Variants in MYLK4 observed in about 807,000 individuals in gnomAD.
MYLK4 encodes myosin light chain kinase family member 4.
Under a neutral mutation model 48.1 loss-of-function variants are expected in MYLK4, and 46 were observed. That is an observed-to-expected ratio of 0.96 (90% confidence interval 0.75 to 1.22). The LOEUF is 1.22. MYLK4 is among the 50% of genes most tolerant of loss of function. The pLI is 0.00. For synonymous variants in MYLK4, 170 were observed against 180.8 expected, an observed-to-expected ratio of 0.94 and a Z score of 0.48; for missense variants, 451 against 486.1, an observed-to-expected ratio of 0.93 and a Z score of 0.68.
At chr6:2,707,810 C>A in intron 2 of MYLK4, among the ~76,000 whole-genome samples, 1 of 150,738 alleles carries the variant, frequency 6.6e-6, no homozygotes, top group East Asian at 1.9e-4. Context: ...ACTTCAGATG[C>A]AAAAAAAATC....
At chr6:2,729,360 T>C (rs1763395245) in intron 2 of MYLK4, among the ~76,000 whole-genome samples, 1 of 152,202 alleles carries the variant, frequency 6.6e-6, no homozygotes, top group African/African-American at 2.4e-5. Flanking sequence ...AAACAGGAAG[T>C]GGCAGGAGAC....
chr6:2,687,323 T>G (rs556209400), intron 4 of MYLK4, among the ~76,000 whole-genome samples: 1 of 152,310 alleles, frequency 6.6e-6, no homozygotes, highest in South Asian at 2.1e-4. Context: ...TCTCACTTAT[T>G]TGCTGAGTGA....
At chr6:2,762,317 T>C in the MYLK4 span, among the ~76,000 whole-genome samples, 6 of 152,202 alleles carry the variant, frequency 3.9e-5, no homozygotes, top group Non-Finnish European at 5.9e-5. Flanking sequence ...AACTCTACTG[T>C]CTAATCTTGA....
chr6:2,681,313 CAATAT>C (rs1454738677), intron 7 of MYLK4, among the ~76,000 whole-genome samples: 1 of 152,144 alleles, frequency 6.6e-6, no homozygotes, highest in Non-Finnish European at 1.5e-5. Context: ...GTCTCCTTAT[CAATAT>C]TCAATAGTAC....
At chr6:2,761,062 T>C in the MYLK4 span, among the ~76,000 whole-genome samples, 1 of 152,138 alleles carries the variant, frequency 6.6e-6, no homozygotes, top group Non-Finnish European at 1.5e-5. Context: ...GTGCGCAAGA[T>C]CATGCCCAAA....
the MYLK4 span, among the ~76,000 whole-genome samples, chr6:2,762,423 T>C: frequency 6.6e-6 from 1 of 152,196 alleles, no homozygotes; most frequent in South Asian, 2.1e-4. Context: ...AAAAAGAAAT[T>C]TTAGGCCTTA....
intron 2 of MYLK4, among the ~76,000 whole-genome samples, chr6:2,734,908 C>T (rs952178606): frequency 9.2e-5 from 14 of 152,040 alleles, no homozygotes; most frequent in East Asian, 1.9e-4. Context: ...GGATGGGGCC[C>T]GAGAGCCTGC....
intron 2 of MYLK4, among the ~76,000 whole-genome samples, chr6:2,712,181 T>C (rs919677136): frequency 6.6e-6 from 1 of 152,220 alleles, no homozygotes; most frequent in Non-Finnish European, 1.5e-5. Context: ...AGCTTCATCA[T>C]GTTCCGGGGC....
the MYLK4 span, chr6:2,765,839 C>T: frequency 1.5e-5 from 21 of 1,382,282 alleles, no homozygotes; most frequent in South Asian, 1.6e-4. Context: ...CAAGAGGCGG[C>T]GGCTGTCGGA....
chr6:2,669,518 C>A (rs1228334627), intron 12 of MYLK4, among the ~76,000 whole-genome samples: 4 of 152,216 alleles, frequency 2.6e-5, no homozygotes, highest in Admixed American at 2.6e-4. Flanking sequence ...TCCAGAGTGG[C>A]TCCGGTCCTT....
chr6:2,768,640 C>T, the MYLK4 span: 3 of 1,481,142 alleles, frequency 2.0e-6, no homozygotes, highest in East Asian at 2.3e-5. Context: ...GGGTGCTGGT[C>T]TCTCTGTGTC....
At chr6:2,678,149 C>T in intron 10 of MYLK4, 71 bp downstream of exon 10, 3 of 1,535,756 alleles carry the variant, frequency 2.0e-6, no homozygotes, top group Non-Finnish European at 2.6e-6. Flanking sequence ...TAAATTCGAA[C>T]AGCCCTGGTG....
intron 2 of MYLK4, among the ~76,000 whole-genome samples, chr6:2,720,651 A>C (rs1049943277): frequency 1.3e-5 from 2 of 152,194 alleles, no homozygotes; most frequent in African/African-American, 4.8e-5. Context: ...GTGTAAAAGA[A>C]ACATTCAGAG....
chr6:2,724,699 C>T (rs569219905), intron 2 of MYLK4, among the ~76,000 whole-genome samples: 9 of 152,254 alleles, frequency 5.9e-5, no homozygotes, highest in Admixed American at 3.9e-4. Context: ...ATGCGGTGAA[C>T]ACAGAGCCCA....
intron 10 of MYLK4, among the ~76,000 whole-genome samples, chr6:2,676,228 C>G (rs1458076229): frequency 6.6e-6 from 1 of 152,168 alleles, no homozygotes; most frequent in Non-Finnish European, 1.5e-5. Context: ...GCAATCGCTT[C>G]ATCAGATACC....
In MYLK4 at chr6:2,720,131, G is replaced by A. The variant is rs578007374; in HGVS notation, c.160-27272C>T. On this transcript the variant is annotated intron_variant, in intron 2 of 12. Transcript: ENST00000274643. ...TAAAAAAGCAGAGACTAGGCTGGGCGCGGTGGCTCACGCCTATAATCCCAG... is the reference window on the plus strand; with the variant it reads ...TAAAAAAGCAGAGACTAGGCTGGGCACGGTGGCTCACGCCTATAATCCCAG... 3.9e-5 allele frequency among the ~76,000 whole-genome samples: 6 copies of A among 152,088 alleles called. No individual in the cohort carries two copies. In the South Asian group the frequency reaches 6.2e-4, roughly 16 times the overall value.
chr6:2,758,652 G>A, the MYLK4 span, among the ~76,000 whole-genome samples: 1 of 151,974 alleles, frequency 6.6e-6, no homozygotes, highest in African/African-American at 2.4e-5. Context: ...GATTTTCCTT[G>A]CAATTTTACC....
At chr6:2,745,057 C>T (rs559906187) in intron 2 of MYLK4, among the ~76,000 whole-genome samples, 44 of 152,106 alleles carry the variant, frequency 2.9e-4, no homozygotes, top group East Asian at 9.7e-4. Flanking sequence ...GGAAAACCAA[C>T]GGAGGAGGAG....
intron 10 of MYLK4, 23 bp downstream of exon 10, chr6:2,678,197 A>G (rs1427226927): frequency 6.2e-7 from 1 of 1,611,244 alleles, no homozygotes; most frequent in Non-Finnish European, 8.5e-7. Context: ...CTGCGCCCGG[A>G]GCACAGGACG....
Sources: gnomAD v4.1 joint callset for allele counts (sites outside exome capture counted in the v4.1 genomes callset) on GRCh38, gnomAD v4.1.1 for gene constraint, MANE v1.5 for transcripts, NCBI Gene and HGNC (gene_info 2026-07-23, HGNC 2026-07-21) for gene names.